The following CNTNAP5 variants were observed in gnomAD, a reference collection of about 807,000 sequenced individuals.
CNTNAP5 encodes the protein contactin associated protein family member 5, also known as contactin-associated protein-like 5.
In CNTNAP5, 72 loss-of-function variants were observed where a neutral mutation model predicts 150.2. The observed-to-expected ratio is 0.48, with a 90% CI of 0.40 to 0.58. CNTNAP5 has a LOEUF of 0.58. Among genes scored for constraint, CNTNAP5 ranks in the 20% least tolerant of loss-of-function variants. The pLI is 0.00. For missense variants in CNTNAP5, 1,636 were observed against 1,626.2 expected (o/e 1.01, Z -0.10); for synonymous variants, 672 against 619.8 (o/e 1.08, Z -1.25).
chr2:124,555,206 C>A (rs1695722574), intron 10 of CNTNAP5, among the ~76,000 whole-genome samples: 1 of 152,086 alleles, frequency 6.6e-6, no homozygotes, highest in Non-Finnish European at 1.5e-5. Context: ...TCTTTCAGTA[C>A]CATACTTCTT....
chr2:124,843,565 G>A (rs1239356772), intron 19 of CNTNAP5, among the ~76,000 whole-genome samples: 1 of 152,052 alleles, frequency 6.6e-6, no homozygotes, highest in Non-Finnish European at 1.5e-5. Flanking sequence ...TCTACTTTTA[G>A]TTCTTTAAGG....
chr2:124,578,254 C>T (rs1442258349), intron 11 of CNTNAP5, among the ~76,000 whole-genome samples: 3 of 148,090 alleles, frequency 2.0e-5, no homozygotes, highest in Admixed American at 6.8e-5. Context: ...GGCTTGAACT[C>T]GGGAGGCATA....
chr2:124,713,459 C>T lies in CNTNAP5; in HGVS notation c.2078-33770C>T, dbSNP rs531081962. On this transcript the variant is annotated intron_variant, in intron 13 of 23. Transcript: ENST00000682447. ...GTGATGCCATCTCGGCTCACTGAAACCTCCACCTCTCCGGTTCAAGTGATT... is the reference window on the plus strand; with the variant it reads ...GTGATGCCATCTCGGCTCACTGAAATCTCCACCTCTCCGGTTCAAGTGATT... Among the ~76,000 whole-genome samples the T allele has an allele frequency of 3.3e-5, 5 of 150,618 alleles. No individual in the cohort carries two copies. The Admixed American group carries it at 3.3e-4, about 10-fold the overall frequency.
chr2:124,715,517 A>T (rs12476746), intron 13 of CNTNAP5, among the ~76,000 whole-genome samples: 1 of 151,794 alleles, frequency 6.6e-6, no homozygotes, highest in South Asian at 2.1e-4. Flanking sequence ...TGGAATTTTT[A>T]TTTTTTTCTT....
At chr2:124,150,385 C>T (rs1163340161) in intron 1 of CNTNAP5, among the ~76,000 whole-genome samples, 1 of 152,136 alleles carries the variant, frequency 6.6e-6, no homozygotes, top group Admixed American at 6.5e-5. Context: ...CAAATCTAGG[C>T]TGGTAACTTA....
chr2:124,149,403 C>CAAAAAAAAAAAAA (rs71394025), intron 1 of CNTNAP5, among the ~76,000 whole-genome samples: 3 of 82,808 alleles, frequency 3.6e-5, no homozygotes, highest in Non-Finnish European at 6.6e-5. Context: ...GCGTCAATTG[C>CAAAAAAAAAAAAA]AAAAAAAAAA....
At chr2:124,255,860 C>T (rs940618610) in intron 3 of CNTNAP5, among the ~76,000 whole-genome samples, 15 of 152,094 alleles carry the variant, frequency 9.9e-5, no homozygotes, top group Non-Finnish European at 8.8e-5. Flanking sequence ...GTATGCAGCC[C>T]AGGCACATAG....
chr2:124,401,484 G>C (rs1691424556), intron 3 of CNTNAP5, among the ~76,000 whole-genome samples: 3 of 152,148 alleles, frequency 2.0e-5, no homozygotes, highest in Non-Finnish European at 4.4e-5. Context: ...ATATACAAAA[G>C]TTCATAGTGT....
In CNTNAP5 at chr2:124,733,460, A is replaced by G. The variant is rs892698886; in HGVS notation, c.2078-13769A>G. ...AAAAGAAGGGAAGTAGAATTTACAT[A>G]TGTCAAAATGTGGAAGGGTGGAAGT... On this transcript the variant is annotated intron_variant, in intron 13 of 23. Transcript: ENST00000682447. Among the ~76,000 whole-genome samples the G allele has an allele frequency of 9.2e-5, 14 of 152,288 alleles. No individual in the cohort carries two copies. The South Asian group carries it at 2.9e-3, about 32-fold the overall frequency.
chr2:124,833,147 A>G, intron 19 of CNTNAP5, among the ~76,000 whole-genome samples: 1 of 152,076 alleles, frequency 6.6e-6, no homozygotes, highest in Non-Finnish European at 1.5e-5. Flanking sequence ...TGAGCTCAAG[A>G]GATCTGCCTT....
chr2:124,277,107 G>C (rs1304234201), intron 3 of CNTNAP5, among the ~76,000 whole-genome samples: 1 of 152,064 alleles, frequency 6.6e-6, no homozygotes, highest in Non-Finnish European at 1.5e-5. Flanking sequence ...TATAAATGTT[G>C]CTCCCTGAAA....
chr2:124,325,713 G>A, intron 3 of CNTNAP5, among the ~76,000 whole-genome samples: 1 of 152,176 alleles, frequency 6.6e-6, no homozygotes, highest in African/African-American at 2.4e-5. Flanking sequence ...GGGAGGTGAG[G>A]CCATTTCGAA....
intron 19 of CNTNAP5, among the ~76,000 whole-genome samples, chr2:124,845,336 G>C (rs1183361156): frequency 1.3e-5 from 2 of 151,756 alleles, no homozygotes; most frequent in African/African-American, 2.4e-5. Flanking sequence ...AAATCTACTT[G>C]ATCATGGTGG....
chr2:124,654,478 A>G (rs1441388461), intron 13 of CNTNAP5, among the ~76,000 whole-genome samples: 1 of 152,252 alleles, frequency 6.6e-6, no homozygotes, highest in East Asian at 1.9e-4. Context: ...GTAACCTCAC[A>G]TTCTAATTCG....
chr2:124,362,181 G>A lies in CNTNAP5; in HGVS notation c.382-55262G>A, dbSNP rs574783134. The stretch of plus-strand genomic sequence containing the variant: ...CCCTGCTTCGGCTGGCGCATGGTGC[G>A]CGAACCCGCTGACCTGCGCCCACTG... On this transcript the variant is annotated intron_variant, in intron 3 of 23. Transcript: ENST00000682447. Among the ~76,000 whole-genome samples the A allele has an allele frequency of 7.2e-5, 11 of 152,304 alleles. No individual in the cohort carries two copies. The South Asian group carries it at 8.3e-4, about 11-fold the overall frequency.
At position 124,491,562 on chromosome 2, in the gene CNTNAP5, C is replaced by T. The variant is rs181567131; in HGVS notation, c.1063-12730C>T. Among the ~76,000 whole-genome samples, 104 of 152,046 alleles carry T rather than the reference C, an allele frequency of 6.8e-4. 1 individual carries two copies. Among genetic ancestry groups the T allele is most frequent in the African/African-American group, 1.0e-3 (43 of 41,484 alleles). On this transcript the variant is annotated intron_variant, in intron 7 of 23. Transcript: ENST00000682447. ...TAATGCTGCAATGAACATGAGAGTG[C>T]GCATATCTCTTTGAGATACTGATTT... is the stretch of plus-strand genomic sequence containing the variant.
chr2:124,377,026 G>T (rs535604690), intron 3 of CNTNAP5, among the ~76,000 whole-genome samples: 1 of 152,144 alleles, frequency 6.6e-6, no homozygotes, highest in East Asian at 1.9e-4. Context: ...TTTAGATTTC[G>T]TGGTATTAAA....
At chr2:124,723,301 C>CA (rs1680086784) in intron 13 of CNTNAP5, among the ~76,000 whole-genome samples, 3 of 152,012 alleles carry the variant, frequency 2.0e-5, no homozygotes, top group African/African-American at 7.2e-5. Flanking sequence ...AATTCAGCCT[C>CA]TTTTTTTTAC....
intron 6 of CNTNAP5, among the ~76,000 whole-genome samples, chr2:124,474,529 A>G (rs1693595136): frequency 6.6e-6 from 1 of 152,074 alleles, no homozygotes; most frequent in Non-Finnish European, 1.5e-5. Flanking sequence ...GGTTGTGTAA[A>G]ATAGTCCCTT....
Sources: allele counts gnomAD v4.1 joint callset (sites outside exome capture counted in the v4.1 genomes callset), GRCh38; gene constraint gnomAD v4.1.1; transcripts MANE v1.5; gene names NCBI Gene and HGNC (gene_info 2026-07-23, HGNC 2026-07-21).